Variants in RAB3D observed in about 807,000 individuals in gnomAD.
RAB3D encodes ras-related protein Rab-3D.
Under a neutral mutation model 19.3 loss-of-function variants are expected in RAB3D, and 17 were observed. The observed-to-expected ratio is 0.88, with a 90% confidence interval of 0.60 to 1.32. The LOEUF (loss-of-function observed/expected upper bound fraction) is 1.32, where lower values mean the gene tolerates loss of function less well. Ranked by LOEUF, RAB3D falls within the 40% of genes most tolerant of loss-of-function variation. The pLI is 0.00. For synonymous variants in RAB3D, 103 were observed against 119.9 expected (o/e 0.86, Z 0.92); for missense variants, 223 against 299.1 (o/e 0.75, Z 1.88).
intron 2 of RAB3D, 119 bp downstream of exon 2, chr19:11,337,053 C>T (rs1966901832): frequency 1.2e-6 from 1 of 820,468 alleles, no homozygotes; most frequent in Admixed American, 2.2e-5. Context: ...GAGATCCCGC[C>T]ACTGCCCTCC....
chr19:11,333,854 C>T (rs2080843327), intron 4 of RAB3D, among the ~76,000 whole-genome samples: 1 of 151,950 alleles, frequency 6.6e-6, no homozygotes, highest in Non-Finnish European at 1.5e-5. Flanking sequence ...TCACCATGCC[C>T]GGCTAATTTT....
intron 4 of RAB3D, among the ~76,000 whole-genome samples, chr19:11,334,217 A>G (rs1278607006): frequency 6.6e-6 from 1 of 152,086 alleles, no homozygotes; most frequent in Non-Finnish European, 1.5e-5. Context: ...TCACGCCTGT[A>G]ATCCCAACAC....
intron 4 of RAB3D, 25 bp from the exon 5 acceptor site, chr19:11,325,610 A>G (rs1474346262): frequency 2.0e-6 from 3 of 1,474,410 alleles, no homozygotes; most frequent in African/African-American, 2.5e-5. Flanking sequence ...AGGTGGGGAC[A>G]CTCGTAAGAC....
intron 4 of RAB3D, among the ~76,000 whole-genome samples, chr19:11,331,818 T>TA (rs2080836455): frequency 6.6e-6 from 1 of 151,622 alleles, no homozygotes; most frequent in Admixed American, 6.6e-5. Context: ...CTCTATTATT[T>TA]AAAAAACGAC....
intron 4 of RAB3D, among the ~76,000 whole-genome samples, chr19:11,329,512 C>T (rs1038431568): frequency 2.0e-5 from 3 of 150,872 alleles, no homozygotes; most frequent in African/African-American, 2.4e-5. Flanking sequence ...GAGGCTGAGG[C>T]AGGAGAATTG....
intron 4 of RAB3D, among the ~76,000 whole-genome samples, chr19:11,326,609 G>C (rs1316250015): frequency 1.3e-5 from 2 of 152,120 alleles, no homozygotes; most frequent in Non-Finnish European, 2.9e-5. Context: ...ATTTTCCATT[G>C]CTTTTTTTAA....
chr19:11,325,989 G>C (rs1396008626), intron 4 of RAB3D, among the ~76,000 whole-genome samples: 1 of 152,114 alleles, frequency 6.6e-6, no homozygotes, highest in East Asian at 1.9e-4. Flanking sequence ...GGGAGGCCGA[G>C]GCGGGAGGAT....
intron 2 of RAB3D, among the ~76,000 whole-genome samples, chr19:11,336,239 A>C (rs1966894507): frequency 6.6e-6 from 1 of 152,152 alleles, no homozygotes; most frequent in African/African-American, 2.4e-5. Context: ...TGGGGGTCCC[A>C]GGGTCCCCTC....
chr19:11,326,297 T>A (rs1229995582), intron 4 of RAB3D, among the ~76,000 whole-genome samples: 8 of 150,650 alleles, frequency 5.3e-5, no homozygotes, highest in Admixed American at 5.3e-4. Context: ...AGGAGAATGG[T>A]TTGAGCCCAG....
At position 11,325,089 on chromosome 19, in the gene RAB3D, T is replaced by A; in HGVS notation, c.*309A>T. The A allele has an allele frequency of 3.6e-6, 1 of 275,174 alleles. No individual in the cohort carries two copies. Among genetic ancestry groups the A allele is most frequent in the Non-Finnish European group, 7.1e-6 (1 of 140,650 alleles). 17.0% of individuals were successfully genotyped at this position (275,174 alleles called of 1,614,324 possible). ...ACGGATGCCCCTCCATCAGAAAGAG[T>A]GGGACGTGTCACCCATGGCCACCCT... is the stretch of plus-strand genomic sequence containing the variant. On this transcript the variant is annotated 3_prime_UTR_variant, in exon 5 of 5. Coordinates refer to ENST00000222120, the MANE Select transcript of RAB3D (RefSeq NM_004283.4).
At chr19:11,328,353 A>G (rs2080823302) in intron 4 of RAB3D, among the ~76,000 whole-genome samples, 1 of 143,000 alleles carries the variant, frequency 7.0e-6, no homozygotes, top group Admixed American at 7.0e-5. Flanking sequence ...AAAAAAAAAA[A>G]GAAGAAGGTT....
At chr19:11,335,085 T>C (rs2080847544) in intron 4 of RAB3D, among the ~76,000 whole-genome samples, 1 of 152,224 alleles carries the variant, frequency 6.6e-6, no homozygotes, top group South Asian at 2.1e-4. Context: ...TATTCCACCA[T>C]GTGAATATAC....
rs577136526 is a variant in RAB3D at position 11,337,229 on chromosome 19, G to A, written c.171C>T (p.Ile57=). The A allele has an allele frequency of 1.9e-6, 3 of 1,614,044 alleles. No homozygotes were observed. The highest frequency in any genetic ancestry group is 3.3e-5 in the Admixed American group (2 of 59,992). ...GGTAGACGGTCTTGACCTTGAAATC[G>A]ATGCCCACAGTACTGACGAAGGCGG... The part of the protein sequence containing the change: ...FTPAFVSTVG[I]DFKVKTVYRH... Residue 57 remains isoleucine, a synonymous_variant, in exon 2 of 5, where the codon ATC becomes ATT. Transcript: ENST00000222120.
chr19:11,322,366 G>C lies in RAB3D; in HGVS notation c.*3032C>G, dbSNP rs947725921. 6.6e-6 allele frequency: 1 copy of C among 151,670 alleles called. No individual in the cohort carries two copies. The highest frequency in any genetic ancestry group is 2.4e-5 in the African/African-American group (1 of 41,174). 9.4% of individuals were successfully genotyped at this position (151,670 alleles called of 1,614,324 possible). ...CGAAAAAGAAGAAGAAAAAAAAAAA[G>C]CAGAACTCCAAACCCCTGTGGTCAT... is the stretch of plus-strand genomic sequence containing the variant. On this transcript the variant is annotated 3_prime_UTR_variant, in exon 5 of 5. Coordinates refer to ENST00000222120, the MANE Select transcript of RAB3D (RefSeq NM_004283.4).
chr19:11,327,322 G>A (rs996339014), intron 4 of RAB3D, among the ~76,000 whole-genome samples: 2 of 152,166 alleles, frequency 1.3e-5, no homozygotes, highest in Admixed American at 1.3e-4. Context: ...AGATATCAAA[G>A]CCATCCCACT....
chr19:11,333,627 G>T (rs1032351202), intron 4 of RAB3D, among the ~76,000 whole-genome samples: 3 of 152,044 alleles, frequency 2.0e-5, no homozygotes, highest in Non-Finnish European at 4.4e-5. Context: ...TAGGGTGCTG[G>T]CTTGGATGGG....
intron 4 of RAB3D, chr19:11,326,902 G>A (rs1471397699): frequency 1.3e-5 from 7 of 544,618 alleles, no homozygotes; most frequent in African/African-American, 3.9e-5. Flanking sequence ...GAGCCACCAC[G>A]CTGGGCTTCC....
chr19:11,330,441 G>T (rs1486038698), intron 4 of RAB3D, among the ~76,000 whole-genome samples: 4 of 152,344 alleles, frequency 2.6e-5, no homozygotes, highest in African/African-American at 9.6e-5. Context: ...CTGAGCACGG[G>T]TGTGAGTTCA....
intron 1 of RAB3D, among the ~76,000 whole-genome samples, chr19:11,338,481 C>T (rs948208869): frequency 3.3e-5 from 5 of 152,140 alleles, no homozygotes; most frequent in African/African-American, 9.7e-5. Context: ...GCCACTGGGG[C>T]GCCTGCCGCC....
Sources: gnomAD v4.1 joint callset for allele counts (sites outside exome capture counted in the v4.1 genomes callset) on GRCh38, gnomAD v4.1.1 for gene constraint, MANE v1.5 for transcripts, NCBI Gene and HGNC (gene_info 2026-07-23, HGNC 2026-07-21) for gene names.